CHFR: variants seen among roughly 807,000 people sequenced by gnomAD.
The protein encoded by CHFR is E3 ubiquitin-protein ligase CHFR.
Under a neutral mutation model 87.6 loss-of-function variants are expected in CHFR, and 57 were observed. The ratio of observed to expected loss-of-function variants is 0.65; its 90% CI spans 0.53 to 0.81. The LOEUF is 0.81. CHFR is among the 30% of genes least tolerant of loss of function. The pLI is 0.00. For synonymous variants in CHFR, 381 were observed against 359.2 expected, an observed-to-expected ratio of 1.06 and a Z score of -0.69; for missense variants, 797 against 865.8, an observed-to-expected ratio of 0.92 and a Z score of 1.00.
In CHFR at chr12:132,832,404, T is replaced by C. The variant is rs1950624053; in HGVS notation, c.*9150A>G. 1 of 152,184 alleles carries C rather than the reference T, an allele frequency of 6.6e-6. No individual in the cohort carries two copies. The highest frequency in any genetic ancestry group is 2.4e-5 in the African/African-American group (1 of 41,430). 9.4% of individuals were successfully genotyped at this position (152,184 alleles called of 1,614,324 possible). On this transcript the variant is annotated 3_prime_UTR_variant, in exon 18 of 18. Transcript: ENST00000450056. ...AATTAGCATAAGATCTAGTATTCCA[T>C]AGCACAGGAGGGTGAATATAGTTAA...
At chr12:132,865,747 C>T (rs144469046) in intron 6 of CHFR, 1 of 149,474 alleles carries the variant, frequency 6.7e-6, no homozygotes, top group East Asian at 2.0e-4. Flanking sequence ...GTAACCTCTG[C>T]CTCCCAGGCT....
chr12:132,880,581 C>G (rs903159902), intron 2 of CHFR, among the ~76,000 whole-genome samples: 1 of 151,718 alleles, frequency 6.6e-6, no homozygotes, highest in African/African-American at 2.4e-5. Flanking sequence ...TGGCGTGAAC[C>G]CAGGAGGTGG....
chr12:132,880,780 C>T (rs1951750015), intron 2 of CHFR, among the ~76,000 whole-genome samples: 1 of 150,114 alleles, frequency 6.7e-6, no homozygotes, highest in African/African-American at 2.5e-5. Context: ...GCCTGACCAA[C>T]ATGGTGAAAC....
chr12:132,854,095 T>C (rs1951009843), intron 10 of CHFR: 1 of 152,508 alleles, frequency 6.6e-6, no homozygotes, highest in South Asian at 2.1e-4. Context: ...CACGAGGCTC[T>C]CCTCTCCATT....
chr12:132,857,344 G>C (rs1254318960), intron 9 of CHFR, 61 bp downstream of exon 9: 2 of 1,522,396 alleles, frequency 1.3e-6, no homozygotes, highest in Non-Finnish European at 1.8e-6. Flanking sequence ...TCACGTGCCT[G>C]GGTGGTGGTG....
At chr12:132,875,554 C>T (rs1247321720) in intron 3 of CHFR, among the ~76,000 whole-genome samples, 1 of 151,756 alleles carries the variant, frequency 6.6e-6, no homozygotes, top group Non-Finnish European at 1.5e-5. Context: ...ACCCGGGTGG[C>T]GGAGGTTGCA....
chr12:132,872,299 T>C lies in CHFR; in HGVS notation c.329A>G (p.Asn110Ser), dbSNP rs1281470229. The change falls in exon 4 of 18, where the codon AAT becomes AGT. Residue 110 changes from asparagine to serine, a missense_variant. By Grantham distance (46) the Asn-to-Ser change is conservative. This residue lies in a region of CHFR where 597 missense variants were observed against 601.2 expected (regional missense o/e 0.99). Coordinates refer to ENST00000450056, the MANE Select transcript of CHFR (RefSeq NM_001161346.2). ...CTCTCTCTTACTGTGTTCCGGTTCA[T>C]TCTTCCTGTACACCAAGTAGATGAC... ...GDVIYLVYRK[N>S]EPEHNVAYLY... The C allele has an allele frequency of 6.2e-7, 1 of 1,609,858 alleles. No individual in the cohort carries two copies. Among genetic ancestry groups the C allele is most frequent in the South Asian group, 1.1e-5 (1 of 90,994 alleles).
chr12:132,859,046 C>T (rs1410321865), intron 8 of CHFR, 22 bp downstream of exon 8: 1 of 1,605,804 alleles, frequency 6.2e-7, no homozygotes, highest in Non-Finnish European at 8.5e-7. Flanking sequence ...GTTCCGTGAG[C>T]CAAGGGTGAA....
intron 4 of CHFR, among the ~76,000 whole-genome samples, chr12:132,871,036 T>C (rs1333166062): frequency 6.6e-6 from 1 of 152,242 alleles, no homozygotes; most frequent in Non-Finnish European, 1.5e-5. Flanking sequence ...TCACTTATAA[T>C]TTCAAACTAC....
intron 6 of CHFR, chr12:132,862,330 C>A: frequency 2.8e-6 from 1 of 361,252 alleles, no homozygotes; most frequent in Non-Finnish European, 5.4e-6. Context: ...ATGGGGCTCA[C>A]ACCTGTAATC....
chr12:132,852,311 T>C (rs1950966820), intron 11 of CHFR, among the ~76,000 whole-genome samples: 1 of 152,118 alleles, frequency 6.6e-6, no homozygotes, highest in African/African-American at 2.4e-5. Context: ...TTTTCTATTA[T>C]TTCCTATAAA....
intron 7 of CHFR, among the ~76,000 whole-genome samples, 193 bp from the exon 8 acceptor site, chr12:132,859,420 G>A (rs984199593): frequency 2.0e-5 from 3 of 151,764 alleles, no homozygotes; most frequent in Admixed American, 6.6e-5. Context: ...GCGCGATCTC[G>A]GCTCACTGCA....
intron 16 of CHFR, among the ~76,000 whole-genome samples, chr12:132,843,542 A>T (rs1425639774): frequency 6.6e-6 from 1 of 152,230 alleles, no homozygotes; most frequent in Non-Finnish European, 1.5e-5. Flanking sequence ...CGTTACACTC[A>T]TGAGTAACTG....
rs1440748009 is a variant in CHFR, at chr12:132,837,009, G to C, written c.*4545C>G. 1 of 354,768 alleles carries C rather than the reference G, an allele frequency of 2.8e-6. No individual in the cohort carries two copies. The highest frequency in any genetic ancestry group is 2.1e-5 in the African/African-American group (1 of 46,532). The allele number at this position is 354,768 out of a possible 1,614,324, so 22.0% of individuals were successfully genotyped here. ...TGGGGGGAAACTAGACTGGCTGGCG[G>C]GGTGGGGGCAGCCCTGCAGGAGCTG... is the stretch of plus-strand genomic sequence containing the variant. On this transcript the variant is annotated 3_prime_UTR_variant, in exon 18 of 18. Coordinates refer to ENST00000450056, the MANE Select transcript of CHFR (RefSeq NM_001161346.2).
In CHFR at chr12:132,848,103, G is replaced by A. The variant is rs749973618; in HGVS notation, c.1629C>T (p.Tyr543=). 3.9e-5 allele frequency: 63 copies of A among 1,613,984 alleles called. No homozygotes were observed. Among genetic ancestry groups the A allele is most frequent in the Non-Finnish European group, 4.7e-5 (56 of 1,180,038 alleles). Residue 543 remains tyrosine (Y), a synonymous_variant, in exon 14 of 18, where the codon TAC becomes TAT. Transcript: ENST00000450056. The part of the protein sequence containing the change: ...CLDGVLNNNS[Y]ESDILKNYLA... Reference sequence around the variant, plus strand: ...TCGGTACCTTCAGGATGTCTGACTCGTAGCTGTTGTTGTTCAGCACGCCGT... The same window carrying A: ...TCGGTACCTTCAGGATGTCTGACTCATAGCTGTTGTTGTTCAGCACGCCGT...
At chr12:132,865,653 CTTTTTTTTTT>C (rs57560560) in intron 6 of CHFR, among the ~76,000 whole-genome samples, 1 of 58,218 alleles carries the variant, frequency 1.7e-5, no homozygotes, top group Non-Finnish European at 3.1e-5. Flanking sequence ...GATTACAGGT[CTTTTTTTTTT>C]TTTTTTTTTT....
intron 14 of CHFR, chr12:132,847,819 A>G: frequency 1.5e-6 from 2 of 1,322,028 alleles, no homozygotes; most frequent in Admixed American, 6.4e-5. Context: ...TGCCGGGAAC[A>G]AGAGCTGCGG....
Position 132,848,317 on chromosome 12 carries a change from T to C in CHFR, c.1577-162A>G, listed in dbSNP as rs180708838. 5,458 of 1,318,548 alleles carry C rather than the reference T, an allele frequency of 4.1e-3. 11 individuals are homozygous for C. Among genetic ancestry groups the C allele is most frequent in the Middle Eastern group, 7.3e-3 (38 of 5,180 alleles). 81.7% of individuals were successfully genotyped at this position (1,318,548 alleles called of 1,614,324 possible). A position where few individuals can be genotyped will look rare whatever the true frequency, so the allele number is the denominator to read the frequency against. On this transcript the variant is annotated intron_variant, in intron 13 of 17. Coordinates refer to ENST00000450056, the MANE Select transcript of CHFR (RefSeq NM_001161346.2). The stretch of plus-strand genomic sequence containing the variant: ...ATTTTAAACAGAGGACAAGCAGAAA[T>C]GATTTCCATTCCACTCCCTCCTTAA...
At chr12:132,857,619 C>T in intron 8 of CHFR, 60 bp from the exon 9 acceptor site, 1 of 1,550,874 alleles carries the variant, frequency 6.4e-7, no homozygotes, top group Admixed American at 1.8e-5. Flanking sequence ...CGACCCTCGA[C>T]CAAGGTCCGC....
Sources: gnomAD v4.1 joint callset for allele counts (sites outside exome capture counted in the v4.1 genomes callset) on GRCh38, gnomAD v4.1.1 for gene constraint, gnomAD v4.1.1 regional missense constraint, MANE v1.5 for transcripts, NCBI Gene and HGNC (gene_info 2026-07-23, HGNC 2026-07-21) for gene names.